SPHKAP: variants seen among roughly 807,000 people sequenced by gnomAD.
SPHKAP encodes the protein A-kinase anchor protein SPHKAP.
A neutral mutation model predicts 137.5 loss-of-function variants in SPHKAP; 67 were observed. The observed-to-expected ratio is 0.49, with a 90% CI of 0.40 to 0.60. The LOEUF is 0.60. Ranked by LOEUF, SPHKAP falls within the 20% of genes least tolerant of loss-of-function variation. SPHKAP has a pLI of 0.00. For missense variants in SPHKAP, 2,097 were observed against 2,069.3 expected (o/e 1.01, Z -0.26); for synonymous variants, 813 against 785.3 (o/e 1.04, Z -0.59).
Position 228,018,164 on chromosome 2 carries a change from A to G in SPHKAP, c.2690T>C (p.Val897Ala). The G allele has an allele frequency of 6.2e-7, 1 of 1,614,128 alleles. No individual in the cohort carries two copies. The highest frequency in any genetic ancestry group is 8.5e-7 in the Non-Finnish European group (1 of 1,180,020). ...YNCATSRINE[V>A]QVNLSLLGDD... The stretch of plus-strand genomic sequence containing the variant: ...CCCTAACAAGGACAGGTTGACTTGA[A>G]CTTCGTTGATGCGAGATGTGGCACA... The change falls in exon 7 of 12, where the codon GTT becomes GCT. Residue 897 changes from valine to alanine, a missense_variant. Coordinates refer to ENST00000392056, the MANE Select transcript of SPHKAP (RefSeq NM_001142644.2).
intron 1 of SPHKAP, among the ~76,000 whole-genome samples, chr2:228,176,495 G>C (rs1300987538): frequency 6.6e-6 from 1 of 152,216 alleles, no homozygotes; most frequent in Non-Finnish European, 1.5e-5. Context: ...ACATCCAGGA[G>C]GAGGCAGAGA....
intron 3 of SPHKAP, among the ~76,000 whole-genome samples, chr2:228,030,748 GACTA>G (rs1486722574): frequency 8.1e-5 from 12 of 148,292 alleles, no homozygotes; most frequent in South Asian, 2.1e-4. Flanking sequence ...TTACATTTTT[GACTA>G]ACTACTCTTT....
At chr2:228,028,663 G>T (rs572569146) in intron 3 of SPHKAP, among the ~76,000 whole-genome samples, 2 of 152,298 alleles carry the variant, frequency 1.3e-5, no homozygotes, top group East Asian at 3.9e-4. Flanking sequence ...ACAGAAACAT[G>T]CTGTACAGGT....
chr2:227,999,343 G>A (rs1693760389), intron 7 of SPHKAP, among the ~76,000 whole-genome samples: 1 of 152,110 alleles, frequency 6.6e-6, no homozygotes, highest in African/African-American at 2.4e-5. Context: ...GAGGAGAATG[G>A]TGCAGCCAAA....
intron 1 of SPHKAP, among the ~76,000 whole-genome samples, chr2:228,164,297 T>C (rs2106417510): frequency 6.6e-6 from 1 of 152,274 alleles, no homozygotes; most frequent in Non-Finnish European, 1.5e-5. Context: ...ACTTTCAGAC[T>C]TTGACTGAGC....
chr2:227,992,988 C>T, intron 9 of SPHKAP, among the ~76,000 whole-genome samples: 1 of 152,076 alleles, frequency 6.6e-6, no homozygotes, highest in Admixed American at 6.6e-5. Flanking sequence ...TATGTACTTC[C>T]TAAAAGTACC....
chr2:228,121,954 C>A (rs1698918601), intron 2 of SPHKAP, among the ~76,000 whole-genome samples: 1 of 152,024 alleles, frequency 6.6e-6, no homozygotes, highest in Non-Finnish European at 1.5e-5. Flanking sequence ...AGTGTCTACT[C>A]CAGGCTACTA....
chr2:228,058,444 T>C (rs1173106765), intron 3 of SPHKAP, among the ~76,000 whole-genome samples: 1 of 152,194 alleles, frequency 6.6e-6, no homozygotes, highest in Non-Finnish European at 1.5e-5. Context: ...TTTACTGTAC[T>C]CTGCTTGTCA....
intron 3 of SPHKAP, among the ~76,000 whole-genome samples, chr2:228,079,544 C>T (rs991593998): frequency 3.3e-5 from 5 of 152,240 alleles, no homozygotes; most frequent in African/African-American, 1.2e-4. Flanking sequence ...ACTCAAGCTC[C>T]AGGCCTTTCC....
chr2:228,135,305 C>T (rs1240146970), intron 1 of SPHKAP, among the ~76,000 whole-genome samples: 1 of 147,884 alleles, frequency 6.8e-6, no homozygotes, highest in East Asian at 2.0e-4. Flanking sequence ...CAAAAAAGCA[C>T]TTCAACAGCC....
At chr2:228,104,351 TAAA>T (rs982294657) in intron 3 of SPHKAP, among the ~76,000 whole-genome samples, 7 of 146,062 alleles carry the variant, frequency 4.8e-5, no homozygotes, top group African/African-American at 1.7e-4. Context: ...AAAATAATAT[TAAA>T]TAATAATATA....
At chr2:228,104,303 A>C (rs1698271002) in intron 3 of SPHKAP, among the ~76,000 whole-genome samples, 1 of 138,002 alleles carries the variant, frequency 7.2e-6, no homozygotes, top group Non-Finnish European at 1.5e-5. Flanking sequence ...TATATTATAT[A>C]ATAATATTAA....
chr2:228,069,542 T>C (rs1352297849), intron 3 of SPHKAP, among the ~76,000 whole-genome samples: 1 of 151,136 alleles, frequency 6.6e-6, no homozygotes, highest in Non-Finnish European at 1.5e-5. Context: ...TGCTTCAGCC[T>C]CTCAAAGTAC....
At position 228,098,569 on chromosome 2, in the gene SPHKAP, A is replaced by G. The variant is rs552406706; in HGVS notation, c.246+10263T>C. ...TAGGTGGGAATTGAACAATGAGAAC[A>G]CATGGACACAGGAAGGGGAACATCA... On this transcript the variant is annotated intron_variant, in intron 3 of 11. Coordinates refer to ENST00000392056, the MANE Select transcript of SPHKAP (RefSeq NM_001142644.2). 2.1e-3 allele frequency among the ~76,000 whole-genome samples: 318 copies of G among 152,160 alleles called. 2 individuals are homozygous for G. Among genetic ancestry groups the G allele is most frequent in the African/African-American group, 7.3e-3 (302 of 41,508 alleles).
At chr2:228,156,149 CATG>C (rs1276865027) in intron 1 of SPHKAP, among the ~76,000 whole-genome samples, 1 of 152,170 alleles carries the variant, frequency 6.6e-6, no homozygotes, top group Non-Finnish European at 1.5e-5. Context: ...TTAGTGTTTA[CATG>C]ATAATTGCCC....
In SPHKAP at chr2:228,038,693, G is replaced by A. The variant is rs193128963; in HGVS notation, c.247-11150C>T. On this transcript the variant is annotated intron_variant, in intron 3 of 11. Coordinates refer to ENST00000392056, the MANE Select transcript of SPHKAP (RefSeq NM_001142644.2). ...TTCCTGCAGTCTTCACATCCTGTTA[G>A]TTCATGAGGGCAGGCCCTGTCCATC... Among the ~76,000 whole-genome samples, 9 of 152,252 alleles carry A rather than the reference G, an allele frequency of 5.9e-5. No homozygotes were observed. In the East Asian group the frequency reaches 1.5e-3, roughly 26 times the overall value.
intron 2 of SPHKAP, among the ~76,000 whole-genome samples, chr2:228,115,178 C>T (rs1056258513): frequency 1.3e-5 from 2 of 152,092 alleles, no homozygotes; most frequent in Admixed American, 6.6e-5. Flanking sequence ...TTCCTTATCT[C>T]CTTATCGTTT....
chr2:228,130,931 TATGA>T (rs1699231257), intron 2 of SPHKAP, among the ~76,000 whole-genome samples: 1 of 152,262 alleles, frequency 6.6e-6, no homozygotes. Context: ...CACATTTGGT[TATGA>T]ATGAATGGAT....
rs549724516 is a variant in SPHKAP, at chr2:228,119,055, G to A, written c.139-10116C>T. On this transcript the variant is annotated intron_variant, in intron 2 of 11. Transcript: ENST00000392056. ...TATTTTGTAAAGTATATCTTGGCAG[G>A]CCTTTCTAAGGATGACATTGAGCAG... Among the ~76,000 whole-genome samples, 12 of 152,266 alleles carry A rather than the reference G, an allele frequency of 7.9e-5. No individual in the cohort carries two copies. The South Asian group carries it at 2.5e-3, about 32-fold the overall frequency.
Sources: gnomAD v4.1 joint callset for allele counts (sites outside exome capture counted in the v4.1 genomes callset) on GRCh38, gnomAD v4.1.1 for gene constraint, MANE v1.5 for transcripts, NCBI Gene and HGNC (gene_info 2026-07-23, HGNC 2026-07-21) for gene names.